FRAS1: variants seen among roughly 807,000 people sequenced by gnomAD.
FRAS1 encodes extracellular matrix organizing protein FRAS1.
In FRAS1, 290 loss-of-function variants were observed where a neutral mutation model predicts 435.2. The observed-to-expected ratio is 0.67, with a 90% confidence interval of 0.61 to 0.73. The LOEUF (loss-of-function observed/expected upper bound fraction) is 0.73. Among genes scored for constraint, FRAS1 ranks in the 30% least tolerant of loss-of-function variants. FRAS1 has a pLI of 0.00. For synonymous variants in FRAS1, 1,800 were observed against 1,851.0 expected (o/e 0.97, Z 0.71); for missense variants, 4,860 against 5,001.5 (o/e 0.97, Z 0.85).
chr4:78,312,859 A>C (rs445220), intron 15 of FRAS1, among the ~76,000 whole-genome samples: 1 of 121,718 alleles, frequency 8.2e-6, no homozygotes, highest in Admixed American at 8.4e-5. Flanking sequence ...GAAAGAAAGA[A>C]AGAGAGAGAG....
chr4:78,448,009 G>A (rs1412619054), intron 43 of FRAS1, 44 bp from the exon 44 acceptor site: 5 of 1,483,818 alleles, frequency 3.4e-6, no homozygotes, highest in Non-Finnish European at 2.7e-6. Flanking sequence ...ATATATATAT[G>A]TGTATTCTAC....
intron 52 of FRAS1, 108 bp downstream of exon 52, chr4:78,472,438 AC>A: frequency 1.0e-6 from 1 of 963,184 alleles, no homozygotes. Flanking sequence ...TGCCCAAGTA[AC>A]CACTTTGCAG....
Position 78,182,693 on chromosome 4 carries a change from C to G in FRAS1, c.109-54817C>G, listed in dbSNP as rs370325367. 1.2e-4 allele frequency among the ~76,000 whole-genome samples: 18 copies of G among 151,972 alleles called. No individual in the cohort carries two copies. The East Asian group carries it at 2.9e-3, about 25-fold the overall frequency. ...AGGAGTCCGAGACCAGCCTGGCCAA[C>G]GTGGTGAAACCCCGTCTCTACTAAG... On this transcript the variant is annotated intron_variant, in intron 2 of 73. Transcript: ENST00000512123.
At chr4:78,516,681 T>C (rs1721225115) in intron 66 of FRAS1, among the ~76,000 whole-genome samples, 1 of 152,006 alleles carries the variant, frequency 6.6e-6, no homozygotes. Context: ...ATAATCATAG[T>C]GAAAGGGGAA....
Position 78,539,296 on chromosome 4 carries a change from C to T in FRAS1, c.11301C>T (p.Asp3767=). 6.2e-7 allele frequency: 1 copy of T among 1,602,480 alleles called. No homozygotes were observed. The highest frequency in any genetic ancestry group is 8.5e-7 in the Non-Finnish European group (1 of 1,176,590). ...ATTTCTTTTTTCTGAAATCCTAGGA[C>T]CGCAATCAGCCAGAGGTAACTGATA... ...KHLKHRFLLL[D]RNQPEVTDKY... The change falls in exon 73 of 74, where the codon GAC becomes GAT. Residue 3767 remains aspartate (D), a splice_region_variant and synonymous_variant. Transcript: ENST00000512123.
intron 2 of FRAS1, among the ~76,000 whole-genome samples, chr4:78,204,892 T>C (rs573142430): frequency 7.9e-5 from 12 of 152,318 alleles, no homozygotes; most frequent in African/African-American, 9.6e-5. Context: ...TCACTTTTTT[T>C]CGTATATTTT....
Position 78,510,947 on chromosome 4 carries a change from A to C in FRAS1, c.9781-327A>C, listed in dbSNP as rs1309088992. Among the ~76,000 whole-genome samples, 33 of 152,222 alleles carry C rather than the reference A, an allele frequency of 2.2e-4. 2 individuals carry two copies. Among genetic ancestry groups the C allele is most frequent in the Non-Finnish European group, 3.4e-4 (23 of 68,040 alleles). On this transcript the variant is annotated intron_variant, in intron 63 of 73. Transcript: ENST00000512123. ...CCAACCAGTCTTGCTAGAAGCCTGAATAACACTTGGGTCATCCTTCTGCTG... is the reference window on the plus strand; with the variant it reads ...CCAACCAGTCTTGCTAGAAGCCTGACTAACACTTGGGTCATCCTTCTGCTG...
intron 71 of FRAS1, among the ~76,000 whole-genome samples, chr4:78,535,902 C>T (rs10025220): frequency 0.42 from 64,144 of 152,070 alleles, 14,266 homozygotes; most frequent in East Asian, 0.79. Context: ...ACACACCCTC[C>T]ACTCTTGTCA....
intron 71 of FRAS1, among the ~76,000 whole-genome samples, chr4:78,536,716 ACAGAATACTTTGCTTCCCT>A (rs1721893813): frequency 6.6e-6 from 1 of 152,234 alleles, no homozygotes; most frequent in Non-Finnish European, 1.5e-5. Flanking sequence ...CCTGTGCATA[ACAGAATACTTTGCTTCCCT>A]TAAATGCTTA....
chr4:78,276,545 C>T (rs961661608), intron 9 of FRAS1, among the ~76,000 whole-genome samples: 1 of 152,236 alleles, frequency 6.6e-6, no homozygotes. Context: ...TCAGGACCTT[C>T]AGCTGCAGGT....
chr4:78,180,976 G>C lies in FRAS1; in HGVS notation c.109-56534G>C, dbSNP rs555860171. 2.5e-6 allele frequency: 4 copies of C among 1,610,662 alleles called. No individual in the cohort carries two copies. In the African/African-American group the frequency reaches 4.0e-5, roughly 16 times the overall value. On this transcript the variant is annotated intron_variant, in intron 2 of 73. Coordinates refer to ENST00000512123, the MANE Select transcript of FRAS1 (RefSeq NM_025074.7). Reference sequence around the variant, plus strand: ...CGCCCACCACGCCCATGTCCACCTTGTCCTCCCCTGCCGCCACGTCCTGGG... The same window carrying C: ...CGCCCACCACGCCCATGTCCACCTTCTCCTCCCCTGCCGCCACGTCCTGGG...
In FRAS1 at chr4:78,308,233, A is replaced by T. The variant is rs373512733; in HGVS notation, c.1678+24A>T. 1.1e-4 allele frequency: 176 copies of T among 1,605,212 alleles called. 4 individuals carry two copies. The South Asian group carries it at 1.5e-3, about 14-fold the overall frequency. On this transcript the variant is annotated intron_variant, in intron 15 of 73. Transcript: ENST00000512123. ...CGGTGAGTGCTGGGTTGCGATGCTG[A>T]CGTGTCCTTTCCTTTTTCTTTTCCA...
At chr4:78,321,010 T>C (rs1729483266) in intron 18 of FRAS1, among the ~76,000 whole-genome samples, 1 of 152,222 alleles carries the variant, frequency 6.6e-6, no homozygotes, top group South Asian at 2.1e-4. Flanking sequence ...AGTTAGGTGC[T>C]TCTTACAATT....
intron 2 of FRAS1, among the ~76,000 whole-genome samples, chr4:78,236,178 T>G (rs1452907919): frequency 3.9e-5 from 6 of 152,136 alleles, no homozygotes; most frequent in Admixed American, 1.3e-4. Flanking sequence ...AGGCTGGGGT[T>G]GTCCAATAGT....
chr4:78,456,949 C>A (rs1189960477), intron 47 of FRAS1, among the ~76,000 whole-genome samples: 1 of 152,150 alleles, frequency 6.6e-6, no homozygotes, highest in Non-Finnish European at 1.5e-5. Flanking sequence ...ACTCTCAACA[C>A]CTTACTCATT....
Position 78,429,217 on chromosome 4 carries a change from A to G in FRAS1, c.4834A>G (p.Thr1612Ala), listed in dbSNP as rs774830785. The change falls in exon 36 of 74, where the codon ACT becomes GCT. Residue 1612 changes from threonine to alanine, a missense_variant. Coordinates refer to ENST00000512123, the MANE Select transcript of FRAS1 (RefSeq NM_025074.7). The part of the protein sequence containing the change: ...PRLAVSPGGS[T>A]SVGLQVVVRD... Reference sequence around the variant, plus strand: ...GCTGGCGGTCAGCCCAGGAGGCAGCACTTCTGTAGGTAAGAACTGGGAGCC... The same window carrying G: ...GCTGGCGGTCAGCCCAGGAGGCAGCGCTTCTGTAGGTAAGAACTGGGAGCC... 4.1e-5 allele frequency: 66 copies of G among 1,607,352 alleles called. 1 individual carries two copies. In the Admixed American group the frequency reaches 1.1e-3, roughly 27 times the overall value.
chr4:78,125,058 C>T (rs886214464), intron 2 of FRAS1, among the ~76,000 whole-genome samples: 10 of 152,086 alleles, frequency 6.6e-5, no homozygotes, highest in African/African-American at 2.4e-4. Context: ...TCTTGCTTCT[C>T]TAGTTGTTTT....
At chr4:78,175,246 CA>C (rs1721717499) in intron 2 of FRAS1, among the ~76,000 whole-genome samples, 1 of 152,190 alleles carries the variant, frequency 6.6e-6, no homozygotes, top group South Asian at 2.1e-4. Context: ...TTAATTAACA[CA>C]TTTTCTAATG....
At chr4:78,429,892 C>T (rs967903300) in intron 36 of FRAS1, among the ~76,000 whole-genome samples, 9 of 152,152 alleles carry the variant, frequency 5.9e-5, no homozygotes, top group African/African-American at 2.2e-4. Flanking sequence ...TCATTGCTCA[C>T]TTGGCTCTTT....
Sources: gnomAD v4.1 joint callset for allele counts (sites outside exome capture counted in the v4.1 genomes callset) on GRCh38, gnomAD v4.1.1 for gene constraint, MANE v1.5 for transcripts, NCBI Gene and HGNC (gene_info 2026-07-23, HGNC 2026-07-21) for gene names.